Variants in TBC1D19 observed in about 807,000 individuals in gnomAD.
TBC1D19 encodes the protein TBC1 domain family member 19, also known as TBC1 domain family, member 19.
A neutral mutation model predicts 89.0 loss-of-function variants in TBC1D19; 60 were observed. The observed-to-expected ratio is 0.67, with a 90% CI of 0.55 to 0.84. The LOEUF is 0.84. TBC1D19 is among the 40% of genes least tolerant of loss of function. TBC1D19 has a pLI of 0.00. For synonymous variants in TBC1D19, 189 were observed against 199.7 expected (o/e 0.95, Z 0.45); for missense variants, 500 against 610.8 (o/e 0.82, Z 1.91).
At chr4:26,819,055 C>G in the TBC1D19 span, among the ~76,000 whole-genome samples, 1 of 152,156 alleles carries the variant, frequency 6.6e-6, no homozygotes, top group Non-Finnish European at 1.5e-5. Context: ...CCAGGGAGAC[C>G]GACACTCAAC....
intron 15 of TBC1D19, among the ~76,000 whole-genome samples, chr4:26,734,890 ATG>A (rs10552153): frequency 0.46 from 68,432 of 150,170 alleles, 17,444 homozygotes; most frequent in Admixed American, 0.6. Flanking sequence ...ATGTATACGT[ATG>A]TGTGTGTATA....
At chr4:26,777,896 CATA>C in the TBC1D19 span, among the ~76,000 whole-genome samples, 2 of 151,928 alleles carry the variant, frequency 1.3e-5, no homozygotes, top group Admixed American at 6.6e-5. Flanking sequence ...GCCTGGGAAA[CATA>C]ATAAGACGCT....
chr4:26,849,231 C>T, the TBC1D19 span, among the ~76,000 whole-genome samples: 29 of 147,582 alleles, frequency 2.0e-4, no homozygotes, highest in African/African-American at 5.2e-4. Flanking sequence ...CACACACACA[C>T]GGGCCTCATA....
intron 8 of TBC1D19, among the ~76,000 whole-genome samples, chr4:26,663,451 A>T (rs1290898746): frequency 6.6e-6 from 1 of 152,180 alleles, no homozygotes; most frequent in African/African-American, 2.4e-5. Flanking sequence ...TCATATGAAT[A>T]TTAGGTGATG....
intron 1 of TBC1D19, 42 bp downstream of exon 1, chr4:26,584,334 C>A (rs1739277133): frequency 6.4e-7 from 1 of 1,555,604 alleles, no homozygotes. Context: ...CGGGCGGGGC[C>A]GCGGCGATGT....
chr4:26,795,105 G>A, the TBC1D19 span, among the ~76,000 whole-genome samples: 1 of 152,128 alleles, frequency 6.6e-6, no homozygotes, highest in East Asian at 1.9e-4. Flanking sequence ...AACTCCATAT[G>A]CTGGTCCCCA....
At chr4:26,734,480 A>T (rs957755282) in intron 15 of TBC1D19, among the ~76,000 whole-genome samples, 1 of 152,178 alleles carries the variant, frequency 6.6e-6, no homozygotes, top group Non-Finnish European at 1.5e-5. Flanking sequence ...GTACAAATTC[A>T]AATTTTTTAC....
the TBC1D19 span, among the ~76,000 whole-genome samples, chr4:26,808,734 A>C: frequency 6.7e-6 from 1 of 149,282 alleles, no homozygotes; most frequent in African/African-American, 2.5e-5. Context: ...TCTCAAAAAA[A>C]AAAAAAAAAA....
At chr4:26,822,584 G>A in the TBC1D19 span, among the ~76,000 whole-genome samples, 2 of 152,128 alleles carry the variant, frequency 1.3e-5, no homozygotes, top group African/African-American at 4.8e-5. Context: ...GCTGCCAGTG[G>A]ACTATGTAGG....
intron 9 of TBC1D19, among the ~76,000 whole-genome samples, chr4:26,668,733 T>G (rs1341899734): frequency 6.6e-6 from 1 of 151,910 alleles, no homozygotes; most frequent in African/African-American, 2.4e-5. Context: ...TATTCAGAAT[T>G]AAGTTTAAGC....
the TBC1D19 span, among the ~76,000 whole-genome samples, chr4:26,808,930 A>C: frequency 6.6e-6 from 1 of 152,208 alleles, no homozygotes; most frequent in East Asian, 1.9e-4. Context: ...AGAACGCTGG[A>C]CTCTGAATCC....
chr4:26,754,051 A>G (rs1280614274), intron 20 of TBC1D19, 161 bp downstream of exon 20: 2 of 596,950 alleles, frequency 3.4e-6, no homozygotes, highest in Non-Finnish European at 5.8e-6. Context: ...TAAGGATTCA[A>G]ATTTCTTTAA....
chr4:26,638,759 T>G lies in TBC1D19; in HGVS notation c.370-12T>G, dbSNP rs1010814906. The G allele has an allele frequency of 1.3e-6, 2 of 1,599,766 alleles. No homozygotes were observed. The highest frequency in any genetic ancestry group is 1.7e-6 in the Non-Finnish European group (2 of 1,175,688). ...AATGAAATGAAACCAGTTTCAAAATTACCTTTTCCAGAGGCCAGTTGGAGA... is the reference window on the plus strand; with the variant it reads ...AATGAAATGAAACCAGTTTCAAAATGACCTTTTCCAGAGGCCAGTTGGAGA... On this transcript the variant is annotated splice_polypyrimidine_tract_variant and intron_variant, in intron 5 of 20. Transcript: ENST00000264866.
chr4:26,675,868 A>C (rs938808830), intron 11 of TBC1D19, among the ~76,000 whole-genome samples: 1 of 152,178 alleles, frequency 6.6e-6, no homozygotes, highest in African/African-American at 2.4e-5. Context: ...CTAGTAGTTA[A>C]TTCTTTTCAT....
intron 13 of TBC1D19, among the ~76,000 whole-genome samples, chr4:26,714,451 A>G (rs540018750): frequency 7.2e-5 from 11 of 151,984 alleles, no homozygotes; most frequent in African/African-American, 2.2e-4. Context: ...CCAATTATCC[A>G]TCCTCCTTTT....
chr4:26,698,792 G>C (rs1313656511), intron 13 of TBC1D19, among the ~76,000 whole-genome samples: 1 of 152,112 alleles, frequency 6.6e-6, no homozygotes, highest in Non-Finnish European at 1.5e-5. Flanking sequence ...AATGGTGCTG[G>C]GAAAACTGGC....
chr4:26,594,891 C>A (rs904439514), intron 1 of TBC1D19, among the ~76,000 whole-genome samples: 8 of 152,204 alleles, frequency 5.3e-5, no homozygotes, highest in Non-Finnish European at 1.0e-4. Flanking sequence ...CAACGAAAAC[C>A]TGGTATAAAC....
chr4:26,857,410 G>C, the TBC1D19 span, among the ~76,000 whole-genome samples: 102 of 152,346 alleles, frequency 6.7e-4, no homozygotes, highest in African/African-American at 2.3e-3. Context: ...GGCCACGCAG[G>C]GAAGTCAAAG....
At chr4:26,673,382 G>T (rs982011055) in intron 10 of TBC1D19, among the ~76,000 whole-genome samples, 6 of 146,930 alleles carry the variant, frequency 4.1e-5, no homozygotes, top group Non-Finnish European at 8.9e-5. Flanking sequence ...TGGGGTTTCC[G>T]TAGCTATGAA....
Sources: allele counts gnomAD v4.1 joint callset (sites outside exome capture counted in the v4.1 genomes callset), GRCh38; gene constraint gnomAD v4.1.1; transcripts MANE v1.5; gene names NCBI Gene and HGNC (gene_info 2026-07-23, HGNC 2026-07-21).